CUBN: variants seen among roughly 807,000 people sequenced by gnomAD.
CUBN encodes the protein 460 kDa receptor.
A neutral mutation model predicts 405.3 loss-of-function variants in CUBN; 282 were observed. The observed-to-expected ratio is 0.70, with a 90% confidence interval of 0.63 to 0.77. The LOEUF (loss-of-function observed/expected upper bound fraction) is 0.77, where lower values mean the gene tolerates loss of function less well. CUBN is among the 30% of genes least tolerant of loss of function. CUBN has a pLI of 0.00. For missense variants in CUBN, 4,514 were observed against 4,475.2 expected (o/e 1.01, Z -0.25); for synonymous variants, 1,684 against 1,617.0 (o/e 1.04, Z -0.99).
intron 41 of CUBN, among the ~76,000 whole-genome samples, chr10:16,926,239 C>A (rs1842185761): frequency 6.6e-6 from 1 of 152,090 alleles, no homozygotes; most frequent in Non-Finnish European, 1.5e-5. Context: ...GAAAACATTC[C>A]AGTTCAGAAA....
At chr10:16,881,505 C>T (rs1165674994) in intron 56 of CUBN, among the ~76,000 whole-genome samples, 1 of 152,134 alleles carries the variant, frequency 6.6e-6, no homozygotes, top group Non-Finnish European at 1.5e-5. Context: ...TGGGGAAATG[C>T]AGAGGAAGTT....
At chr10:16,927,677 T>C (rs1842229705) in intron 41 of CUBN, among the ~76,000 whole-genome samples, 1 of 152,160 alleles carries the variant, frequency 6.6e-6, no homozygotes, top group Admixed American at 6.5e-5. Context: ...TGGTATCCCA[T>C]ATATGGTGCC....
At chr10:17,069,916 T>C (rs1201611313) in intron 19 of CUBN, among the ~76,000 whole-genome samples, 2 of 152,176 alleles carry the variant, frequency 1.3e-5, no homozygotes, top group Non-Finnish European at 2.9e-5. Context: ...TCTTTTTTTG[T>C]TTGTACTTTT....
At chr10:16,829,073 A>C (rs1009262682) in intron 65 of CUBN, 33 bp from the exon 66 acceptor site, 1 of 1,542,570 alleles carries the variant, frequency 6.5e-7, no homozygotes, top group Non-Finnish European at 8.9e-7. Flanking sequence ...AGTTTGATTC[A>C]ACAGCATATA....
At chr10:16,936,282 C>T (rs1018941242) in intron 39 of CUBN, among the ~76,000 whole-genome samples, 2 of 152,148 alleles carry the variant, frequency 1.3e-5, no homozygotes, top group Non-Finnish European at 2.9e-5. Context: ...TTTCTAAGAG[C>T]TCTGGATATA....
chr10:17,012,804 ACT>A (rs1834220114), intron 28 of CUBN, among the ~76,000 whole-genome samples: 1 of 152,250 alleles, frequency 6.6e-6, no homozygotes, highest in African/African-American at 2.4e-5. Context: ...AATTTTCCTA[ACT>A]CTGCTTCCAT....
At chr10:17,111,917 A>G (rs891521903) in intron 8 of CUBN, among the ~76,000 whole-genome samples, 6 of 152,198 alleles carry the variant, frequency 3.9e-5, no homozygotes, top group Admixed American at 2.0e-4. Flanking sequence ...CTTTGTCTCA[A>G]AAACAAAAAC....
At position 16,840,943 on chromosome 10, in the gene CUBN, G is replaced by A; in HGVS notation, c.9768C>T (p.Phe3256=). Residue 3256 remains phenylalanine, a synonymous_variant, in exon 61 of 67, where the codon TTC becomes TTT. Coordinates refer to ENST00000377833, the MANE Select transcript of CUBN (RefSeq NM_001081.4). ...ISSGNFLTVQ[F]ISDLTLEREG... ...CCCTCTCTAATGTTAAGTCACTGAT[G>A]AATTGAACCGTAAGGAAGTTACCAG... 1 of 1,613,558 alleles carries A rather than the reference G, an allele frequency of 6.2e-7. No homozygotes were observed. Among genetic ancestry groups the A allele is most frequent in the East Asian group, 2.2e-5 (1 of 44,870 alleles).
At chr10:16,910,389 C>T (rs1841694394) in intron 48 of CUBN, among the ~76,000 whole-genome samples, 1 of 152,140 alleles carries the variant, frequency 6.6e-6, no homozygotes, top group African/African-American at 2.4e-5. Context: ...CCAAAATAAA[C>T]ATTGAACATA....
At chr10:16,947,174 C>A in intron 36 of CUBN, 61 bp downstream of exon 36, 1 of 1,574,548 alleles carries the variant, frequency 6.4e-7, no homozygotes, top group South Asian at 1.1e-5. Context: ...CTATTAGCAC[C>A]AGAACTTCTT....
Position 17,104,445 on chromosome 10 carries a change from C to A in CUBN, c.1391G>T (p.Gly464Val). The A allele has an allele frequency of 1.2e-6, 2 of 1,613,980 alleles. No homozygotes were observed. The highest frequency in any genetic ancestry group is 1.7e-6 in the Non-Finnish European group (2 of 1,179,960). Residue 464 changes from glycine to valine, a missense_variant, in exon 12 of 67, where the codon GGA (glycine) becomes GTA (valine). Around this residue, in one of 5 missense-constraint regions of CUBN, gnomAD observed 1,448 missense variants for 1,388.0 expected, o/e 1.04. Transcript: ENST00000377833. The part of the protein sequence containing the change: ...FSCECTRLWT[G>V]ALCQVPQQVC... Reference sequence around the variant, plus strand: ...TTGCTGAGGAACCTGACAGAGAGCTCCAGTCCAGAGACGTGTGCATTCACA... The same window carrying A: ...TTGCTGAGGAACCTGACAGAGAGCTACAGTCCAGAGACGTGTGCATTCACA...
intron 56 of CUBN, among the ~76,000 whole-genome samples, chr10:16,878,302 AT>A (rs1840572128): frequency 6.6e-6 from 1 of 152,156 alleles, no homozygotes; most frequent in Non-Finnish European, 1.5e-5. Flanking sequence ...AAAATAAAAC[AT>A]TATATTATTA....
chr10:16,832,775 C>G (rs1420925893), intron 64 of CUBN, among the ~76,000 whole-genome samples: 2 of 152,124 alleles, frequency 1.3e-5, no homozygotes, highest in Non-Finnish European at 2.9e-5. Context: ...AAACAGATTC[C>G]AAGCATGGTC....
At chr10:16,947,442 C>T (rs948887542) in intron 35 of CUBN, 75 bp from the exon 36 acceptor site, 46 of 1,423,242 alleles carry the variant, frequency 3.2e-5, no homozygotes, top group Middle Eastern at 1.8e-4. Flanking sequence ...GGAGAAAGAA[C>T]GCTAGAGCCA....
chr10:17,069,224 T>C (rs971249550), intron 19 of CUBN, among the ~76,000 whole-genome samples: 4 of 152,228 alleles, frequency 2.6e-5, no homozygotes, highest in Non-Finnish European at 5.9e-5. Flanking sequence ...GTTTCTACTT[T>C]TAAAATTAAA....
Position 17,114,134 on chromosome 10 carries a change from G to A in CUBN, c.776C>T (p.Ala259Val). Residue 259 changes from alanine (A) to valine (V), a missense_variant, in exon 8 of 67, where the codon GCC becomes GTC. By Grantham distance (64) the Ala-to-Val change is moderately conservative. Coordinates refer to ENST00000377833, the MANE Select transcript of CUBN (RefSeq NM_001081.4). ...AGWMFSPNSP[A>V]CTLDRDECSF... Reference sequence around the variant, plus strand: ...GCACTCGTCTCTGTCCAGCGTGCAGGCAGGGCTGTTGGGTGAAAACATCCA... The same window carrying A: ...GCACTCGTCTCTGTCCAGCGTGCAGACAGGGCTGTTGGGTGAAAACATCCA... 6.2e-7 allele frequency: 1 copy of A among 1,613,680 alleles called. No individual in the cohort carries two copies. Among genetic ancestry groups the A allele is most frequent in the Non-Finnish European group, 8.5e-7 (1 of 1,179,870 alleles).
At chr10:17,011,341 G>C (rs1220614761) in intron 28 of CUBN, among the ~76,000 whole-genome samples, 1 of 152,162 alleles carries the variant, frequency 6.6e-6, no homozygotes, top group Admixed American at 6.5e-5. Context: ...CGTCCTTCCA[G>C]TGGGTTCGTG....
At chr10:16,942,510 C>T (rs866858841) in intron 36 of CUBN, among the ~76,000 whole-genome samples, 21 of 151,950 alleles carry the variant, frequency 1.4e-4, no homozygotes, top group Admixed American at 1.0e-3. Context: ...TAGAGAAATG[C>T]AAATCAAAAC....
chr10:17,122,783 A>C lies in CUBN; in HGVS notation c.593+12T>G, dbSNP rs1227323493. The C allele has an allele frequency of 4.4e-6, 7 of 1,589,478 alleles. No individual in the cohort carries two copies. Among genetic ancestry groups the C allele is most frequent in the Non-Finnish European group, 6.0e-6 (7 of 1,159,036 alleles). On this transcript the variant is annotated intron_variant, in intron 6 of 66. Transcript: ENST00000377833. Reference sequence around the variant, plus strand: ...TATACTGATATTTACCAAAAAAAAAAAAAAAAGTTACCTGTAACTTCCCAT... The same window carrying C: ...TATACTGATATTTACCAAAAAAAAACAAAAAAGTTACCTGTAACTTCCCAT...
Sources: gnomAD v4.1 joint callset for allele counts (sites outside exome capture counted in the v4.1 genomes callset) on GRCh38, gnomAD v4.1.1 for gene constraint, gnomAD v4.1.1 regional missense constraint, MANE v1.5 for transcripts, NCBI Gene and HGNC (gene_info 2026-07-23, HGNC 2026-07-21) for gene names.